DNAH17: variants seen among roughly 807,000 people sequenced by gnomAD.
The protein encoded by DNAH17 is axonemal beta dynein heavy chain 17.
In DNAH17, 376 loss-of-function variants were observed where a neutral mutation model predicts 485.6. The ratio of observed to expected loss-of-function variants is 0.77; its 90% CI spans 0.71 to 0.84. The LOEUF (loss-of-function observed/expected upper bound fraction) is 0.84. Among genes scored for constraint, DNAH17 ranks in the 40% least tolerant of loss-of-function variants. The pLI is 0.00. For synonymous variants in DNAH17, 3,031 were observed against 2,405.9 expected (o/e 1.26, Z -7.60); for missense variants, 6,370 against 5,839.3 (o/e 1.09, Z -2.96).
chr17:78,490,690 C>T lies in DNAH17; in HGVS notation c.6818+9G>A, dbSNP rs565218422. On this transcript the variant is annotated intron_variant, in intron 44 of 80. Transcript: ENST00000389840. ...AGGTTTGGAACAGGAAAGCCAAAGC[C>T]CCACTCACGGGTTCCATCCCAGGTC... is the stretch of plus-strand genomic sequence containing the variant. 25 of 1,602,314 alleles carry T rather than the reference C, an allele frequency of 1.6e-5. No individual in the cohort carries two copies. Among genetic ancestry groups the T allele is most frequent in the Middle Eastern group, 1.7e-4 (1 of 6,030 alleles).
intron 16 of DNAH17, among the ~76,000 whole-genome samples, chr17:78,551,224 C>T (rs1311866406): frequency 2.0e-5 from 3 of 152,190 alleles, no homozygotes; most frequent in Non-Finnish European, 2.9e-5. Context: ...TACTGAGCAA[C>T]GGGCTCGTTC....
In DNAH17 at chr17:78,562,293, T is replaced by TA. The variant is rs555626378; in HGVS notation, c.1570-314dup. Among the ~76,000 whole-genome samples the TA allele has an allele frequency of 9.5e-4, 144 of 152,156 alleles. 1 individual carries two copies. Among genetic ancestry groups the TA allele is most frequent in the African/African-American group, 3.3e-3 (136 of 41,510 alleles). The stretch of plus-strand genomic sequence containing the variant: ...TTCTGGTAAGGAAGACTTAAACAAT[T>TA]AAAAAATAGGCTGAGCACCATGGCT... On this transcript the variant is annotated intron_variant, in intron 11 of 80. Transcript: ENST00000389840.
At chr17:78,463,146 G>A in intron 56 of DNAH17, 69 bp from the exon 57 acceptor site, 2 of 1,438,346 alleles carry the variant, frequency 1.4e-6, no homozygotes, top group Non-Finnish European at 1.9e-6. Context: ...GGGCTCCCCA[G>A]ACTCACCAGG....
At chr17:78,554,473 G>GAAAAAAAA (rs1568246690) in intron 14 of DNAH17, among the ~76,000 whole-genome samples, 16 of 124,750 alleles carry the variant, frequency 1.3e-4, no homozygotes, top group South Asian at 2.5e-4. Flanking sequence ...AAAAAAAAAG[G>GAAAAAAAA]ATAGGTTCTA....
chr17:78,426,964 T>G lies in DNAH17; in HGVS notation c.12733A>C (p.Met4245Leu). Residue 4245 changes from methionine to leucine, a missense_variant, in exon 78 of 81, where the codon ATG (methionine) becomes CTG (leucine). Transcript: ENST00000389840. Reference sequence around the variant, plus strand: ...TTCAGCTCCTTGAGCGAACGGCGCATTTCGTTGGTCAGGATGTTCATTCTT... The same window carrying G: ...TTCAGCTCCTTGAGCGAACGGCGCAGTTCGTTGGTCAGGATGTTCATTCTT... ...CERMNILTNEMRRSLKELNLG... is the reference protein window; with the variant it reads ...CERMNILTNELRRSLKELNLG... 1 of 1,610,580 alleles carries G rather than the reference T, an allele frequency of 6.2e-7. No homozygotes were observed. The highest frequency in any genetic ancestry group is 1.1e-5 in the South Asian group (1 of 90,256).
At chr17:78,440,698 A>G (rs1171134649) in intron 72 of DNAH17, among the ~76,000 whole-genome samples, 1 of 152,242 alleles carries the variant, frequency 6.6e-6, no homozygotes, top group East Asian at 1.9e-4. Context: ...ACGTCTGTGT[A>G]GAGTACTTGC....
At chr17:78,527,100 G>A in intron 22 of DNAH17, 104 bp from the exon 23 acceptor site, 1 of 985,572 alleles carries the variant, frequency 1.0e-6, no homozygotes, top group Non-Finnish European at 1.5e-6. Flanking sequence ...AAACAGTGCA[G>A]GGGCCGGCGC....
In DNAH17 at chr17:78,564,096, G is replaced by A. The variant is rs1001574905; in HGVS notation, c.1570-2116C>T. On this transcript the variant is annotated intron_variant, in intron 11 of 80. Transcript: ENST00000389840. ...TCGCTAGCTCCATTCTGCAGAGGTC[G>A]GGTTGGGTTTCTTCCAGGACCTCCT... 5.3e-5 allele frequency among the ~76,000 whole-genome samples: 8 copies of A among 152,262 alleles called. No individual in the cohort carries two copies. The East Asian group carries it at 5.8e-4, about 11-fold the overall frequency.
chr17:78,530,592 C>A, intron 20 of DNAH17, 80 bp from the exon 21 acceptor site: 1 of 1,487,216 alleles, frequency 6.7e-7, no homozygotes, highest in Non-Finnish European at 9.1e-7. Flanking sequence ...AGTCCAGGGC[C>A]TTCCTGCACT....
intron 54 of DNAH17, chr17:78,472,526 C>T (rs2088810313): frequency 3.6e-6 from 1 of 280,930 alleles, no homozygotes; most frequent in Non-Finnish European, 7.1e-6. Context: ...ATTCTGCTGA[C>T]AGGCTTTCTT....
At chr17:78,477,233 G>A (rs2089072800) in intron 51 of DNAH17, among the ~76,000 whole-genome samples, 1 of 152,220 alleles carries the variant, frequency 6.6e-6, no homozygotes, top group South Asian at 2.1e-4. Flanking sequence ...GCTAGCGGGG[G>A]AGGTGGCCAG....
intron 51 of DNAH17, among the ~76,000 whole-genome samples, chr17:78,477,009 G>A (rs1006924405): frequency 1.3e-5 from 2 of 152,224 alleles, no homozygotes; most frequent in Non-Finnish European, 2.9e-5. Flanking sequence ...GTGGAGGAGG[G>A]ACAAGGGAGG....
rs77162106 is a variant in DNAH17, at chr17:78,545,182, C to T, written c.2392-1185G>A. ...TCCTCTGGCCAGTGTTTGATATTTACGTGAGTACTTATAGTTTTTCTACTG... is the reference window on the plus strand; with the variant it reads ...TCCTCTGGCCAGTGTTTGATATTTATGTGAGTACTTATAGTTTTTCTACTG... On this transcript the variant is annotated intron_variant, in intron 16 of 80. Coordinates refer to ENST00000389840, the MANE Select transcript of DNAH17 (RefSeq NM_173628.4). Among the ~76,000 whole-genome samples, 232 of 152,284 alleles carry T rather than the reference C, an allele frequency of 1.5e-3. 2 individuals are homozygous for T. In the East Asian group the frequency reaches 0.016, roughly 11 times the overall value.
chr17:78,468,092 G>A (rs2088567734), intron 55 of DNAH17, among the ~76,000 whole-genome samples: 1 of 151,322 alleles, frequency 6.6e-6, no homozygotes, highest in South Asian at 2.1e-4. Flanking sequence ...TGTGTGGGGA[G>A]GGGGTCCACA....
At position 78,515,237 on chromosome 17, in the gene DNAH17, G is replaced by A. The variant is rs536179396; in HGVS notation, c.3865-215C>T. Among the ~76,000 whole-genome samples, 319 of 152,332 alleles carry A rather than the reference G, an allele frequency of 2.1e-3. 3 individuals carry two copies. The highest frequency in any genetic ancestry group is 7.1e-3 in the African/African-American group (297 of 41,564). Reference sequence around the variant, plus strand: ...TAAAAGTTAACAGTTGGCCGGGCACGGTGGCCCACGTCTATAACCCCACTA... The same window carrying A: ...TAAAAGTTAACAGTTGGCCGGGCACAGTGGCCCACGTCTATAACCCCACTA... On this transcript the variant is annotated intron_variant, in intron 25 of 80. Coordinates refer to ENST00000389840, the MANE Select transcript of DNAH17 (RefSeq NM_173628.4).
Position 78,485,571 on chromosome 17 carries a change from T to G in DNAH17, c.7462A>C (p.Thr2488Pro), listed in dbSNP as rs1181567403. The change falls in exon 47 of 81, where the codon ACG becomes CCG. Residue 2488 changes from threonine (T) to proline (P), a missense_variant. By Grantham distance (38) the Thr-to-Pro change is conservative (BLOSUM62 -1). Transcript: ENST00000389840. ...TCACCCTGCAGCATGGCTGAGGTCG[T>G]GTAGAAGTTGAAGGGCACAGCCTGC... ...LVQAVPFNFY[T>P]TSAMLQGVLE... The G allele has an allele frequency of 1.2e-6, 2 of 1,612,496 alleles. No individual in the cohort carries two copies. The highest frequency in any genetic ancestry group is 1.7e-6 in the Non-Finnish European group (2 of 1,179,382).
chr17:78,566,001 C>A (rs1294926467), intron 11 of DNAH17, among the ~76,000 whole-genome samples: 2 of 151,922 alleles, frequency 1.3e-5, no homozygotes, highest in African/African-American at 4.8e-5. Context: ...CAAACAAACC[C>A]CTTAAAACTA....
chr17:78,432,564 T>C (rs1190756160), intron 75 of DNAH17, among the ~76,000 whole-genome samples: 2 of 152,176 alleles, frequency 1.3e-5, no homozygotes, highest in Non-Finnish European at 2.9e-5. Flanking sequence ...CCAGCAGCGA[T>C]CCTGGGAGGT....
chr17:78,561,718 T>C lies in DNAH17; in HGVS notation c.1832A>G (p.His611Arg), dbSNP rs777963700. The C allele has an allele frequency of 5.6e-6, 9 of 1,603,770 alleles. No individual in the cohort carries two copies. Among genetic ancestry groups the C allele is most frequent in the Non-Finnish European group, 7.7e-6 (9 of 1,174,008 alleles). Residue 611 changes from histidine (H) to arginine (R), a missense_variant, in exon 12 of 81, where the codon CAC (histidine) becomes CGC (arginine). Transcript: ENST00000389840. ...CCTGCCCAGGGCTGTGACTCACGGG[T>C]GTTCGACGTGCTTCAGGTGTTTCAT... ...VSMKHLKHVE[H>R]PVMSGAEAKL...
Sources: allele counts gnomAD v4.1 joint callset (sites outside exome capture counted in the v4.1 genomes callset), GRCh38; gene constraint gnomAD v4.1.1; transcripts MANE v1.5; gene names NCBI Gene and HGNC (gene_info 2026-07-23, HGNC 2026-07-21).